Variants in CDKAL1 observed in about 807,000 individuals in gnomAD.
The protein encoded by CDKAL1 is CDKAL1 threonylcarbamoyladenosine tRNA methylthiotransferase.
A neutral mutation model predicts 68.2 loss-of-function variants in CDKAL1; 32 were observed. The ratio of observed to expected loss-of-function variants is 0.47; its 90% CI spans 0.35 to 0.63. The LOEUF is 0.63. CDKAL1 is among the 30% of genes least tolerant of loss of function. CDKAL1 has a pLI of 0.00. For missense variants in CDKAL1, 606 were observed against 696.7 expected (o/e 0.87, Z 1.47); for synonymous variants, 234 against 244.3 (o/e 0.96, Z 0.39).
intron 10 of CDKAL1, among the ~76,000 whole-genome samples, chr6:20,994,831 G>A (rs536436596): frequency 1.8e-4 from 28 of 152,278 alleles, no homozygotes; most frequent in African/African-American, 6.0e-4. Flanking sequence ...TTTTGCTTGT[G>A]ATGGGTCTTG....
chr6:20,848,253 G>A (rs1778448070), intron 9 of CDKAL1, among the ~76,000 whole-genome samples: 1 of 149,364 alleles, frequency 6.7e-6, no homozygotes, highest in African/African-American at 2.5e-5. Flanking sequence ...GTAACCTCTG[G>A]TCCTTTTGTT....
intron 9 of CDKAL1, among the ~76,000 whole-genome samples, chr6:20,876,922 T>G (rs4618519): frequency 0.96 from 145,951 of 152,260 alleles, 69,965 homozygotes; most frequent in East Asian, 1. Context: ...TACAAATTAG[T>G]CTTCTACATA....
At chr6:20,971,573 G>A (rs1327473468) in intron 10 of CDKAL1, among the ~76,000 whole-genome samples, 2 of 152,188 alleles carry the variant, frequency 1.3e-5, no homozygotes, top group African/African-American at 4.8e-5. Context: ...TTGTGTTACT[G>A]TCATAGAAGT....
intron 9 of CDKAL1, among the ~76,000 whole-genome samples, chr6:20,935,461 C>T (rs967019681): frequency 7.3e-5 from 11 of 150,248 alleles, no homozygotes; most frequent in Non-Finnish European, 3.0e-5. Context: ...CATACTTTCA[C>T]TCTGTTGCCC....
chr6:21,212,951 G>A (rs1465692712), intron 15 of CDKAL1, among the ~76,000 whole-genome samples: 1 of 152,066 alleles, frequency 6.6e-6, no homozygotes, highest in Non-Finnish European at 1.5e-5. Context: ...TTGCAAATTT[G>A]CCAACCCCTG....
At chr6:20,930,787 C>T (rs994773564) in intron 9 of CDKAL1, among the ~76,000 whole-genome samples, 2 of 151,260 alleles carry the variant, frequency 1.3e-5, no homozygotes, top group African/African-American at 2.4e-5. Flanking sequence ...CTCTGTTGCC[C>T]AGGCTGGAGT....
chr6:20,676,623 C>T lies in CDKAL1; in HGVS notation c.371+27246C>T, dbSNP rs564190518. On this transcript the variant is annotated intron_variant, in intron 5 of 15. Coordinates refer to ENST00000274695, the MANE Select transcript of CDKAL1 (RefSeq NM_017774.3). ...TGGAGCTTGCAGTGACCCAAGATTG[C>T]GCCACTGCACTCCAGCCTGGGTGAC... Among the ~76,000 whole-genome samples the T allele has an allele frequency of 1.5e-4, 22 of 151,194 alleles. 1 individual carries two copies. The highest frequency in any genetic ancestry group is 7.8e-4 in the East Asian group (4 of 5,140).
chr6:20,989,581 G>GCTGA (rs1373522301), intron 10 of CDKAL1, among the ~76,000 whole-genome samples: 2 of 152,148 alleles, frequency 1.3e-5, no homozygotes, highest in Non-Finnish European at 2.9e-5. Context: ...AACTCTCTGA[G>GCTGA]CTGACGGTAC....
At chr6:20,652,687 C>A (rs185353375) in intron 5 of CDKAL1, among the ~76,000 whole-genome samples, 2 of 152,244 alleles carry the variant, frequency 1.3e-5, no homozygotes, top group Admixed American at 6.5e-5. Flanking sequence ...TTCTTAATTT[C>A]ATTCTTATAC....
chr6:20,901,920 G>A (rs1007624535), intron 9 of CDKAL1, among the ~76,000 whole-genome samples: 1 of 151,806 alleles, frequency 6.6e-6, no homozygotes, highest in Non-Finnish European at 1.5e-5. Context: ...GGGACCACAG[G>A]TGCATGCCAT....
intron 6 of CDKAL1, among the ~76,000 whole-genome samples, chr6:20,753,917 C>T (rs955506695): frequency 4.0e-5 from 6 of 151,570 alleles, no homozygotes; most frequent in African/African-American, 1.5e-4. Context: ...ATGAAGGTTC[C>T]AATTTCTCCA....
In CDKAL1 at chr6:21,132,135, G is replaced by A. The variant is rs552266557; in HGVS notation, c.1299+23672G>A. Among the ~76,000 whole-genome samples, 222 of 152,170 alleles carry A rather than the reference G, an allele frequency of 1.5e-3. 3 individuals carry two copies. The highest frequency in any genetic ancestry group is 0.014 in the Admixed American group (212 of 15,278). On this transcript the variant is annotated intron_variant, in intron 13 of 15. Transcript: ENST00000274695. ...TCATATCGTTTAGCTCAGCAAATCA[G>A]CTTCTGGAAATCTATTTTGAGGAAA...
At chr6:20,819,886 C>T (rs1407807755) in intron 8 of CDKAL1, among the ~76,000 whole-genome samples, 1 of 152,008 alleles carries the variant, frequency 6.6e-6, no homozygotes, top group Non-Finnish European at 1.5e-5. Context: ...GTGGGCCACA[C>T]CCTCAGCTAG....
At chr6:20,897,564 A>G (rs1269940716) in intron 9 of CDKAL1, among the ~76,000 whole-genome samples, 3 of 152,174 alleles carry the variant, frequency 2.0e-5, no homozygotes, top group Non-Finnish European at 4.4e-5. Flanking sequence ...CTTCCTAGAA[A>G]TAGCTCTAAT....
intron 5 of CDKAL1, among the ~76,000 whole-genome samples, chr6:20,702,161 G>A (rs965141389): frequency 2.2e-4 from 34 of 152,288 alleles, no homozygotes; most frequent in African/African-American, 7.7e-4. Context: ...CTCGCAGGGC[G>A]TGTGATGTGT....
intron 9 of CDKAL1, among the ~76,000 whole-genome samples, chr6:20,930,406 G>A (rs1763385017): frequency 6.6e-6 from 1 of 152,082 alleles, no homozygotes; most frequent in Non-Finnish European, 1.5e-5. Flanking sequence ...CTGCATATAG[G>A]TCTGAACAGG....
At chr6:20,837,294 A>G in intron 8 of CDKAL1, among the ~76,000 whole-genome samples, 1 of 150,114 alleles carries the variant, frequency 6.7e-6, no homozygotes, top group Non-Finnish European at 1.5e-5. Context: ...GAAATATAAG[A>G]TTTTTTTTTT....
chr6:21,152,971 A>G (rs1010822112), intron 13 of CDKAL1, among the ~76,000 whole-genome samples: 2 of 152,080 alleles, frequency 1.3e-5, no homozygotes, highest in African/African-American at 4.8e-5. Context: ...CATTTTCTAA[A>G]TTTTTTTGAG....
intron 4 of CDKAL1, among the ~76,000 whole-genome samples, chr6:20,549,987 T>A (rs1045069058): frequency 4.6e-5 from 7 of 151,860 alleles, no homozygotes; most frequent in African/African-American, 7.2e-5. Flanking sequence ...TTAATTAAAT[T>A]TTTTTTTTTT....
Sources: gnomAD v4.1 joint callset for allele counts (sites outside exome capture counted in the v4.1 genomes callset) on GRCh38, gnomAD v4.1.1 for gene constraint, MANE v1.5 for transcripts, NCBI Gene and HGNC (gene_info 2026-07-23, HGNC 2026-07-21) for gene names.